Variants in RORA observed in about 807,000 individuals in gnomAD.
RORA encodes nuclear receptor ROR-alpha.
RORA carries 7 observed loss-of-function variants against 69.5 expected under a neutral mutation model. The observed-to-expected ratio is 0.10, with a 90% confidence interval of 0.06 to 0.19. RORA has a LOEUF of 0.19. Ranked by LOEUF, RORA falls within the 10% of genes least tolerant of loss-of-function variation. RORA has a pLI of 1.00. For missense variants in RORA, 457 were observed against 663.0 expected (o/e 0.69, Z 3.41); for synonymous variants, 261 against 240.8 (o/e 1.08, Z -0.78).
intron 1 of RORA, among the ~76,000 whole-genome samples, chr15:60,888,476 ACG>A (rs1461058823): frequency 1.3e-5 from 2 of 152,238 alleles, no homozygotes; most frequent in East Asian, 3.9e-4. Context: ...ACACACACAC[ACG>A]CACATATACA....
chr15:60,921,696 G>C (rs1171724587), intron 1 of RORA, among the ~76,000 whole-genome samples: 3 of 152,012 alleles, frequency 2.0e-5, no homozygotes, highest in East Asian at 3.9e-4. Flanking sequence ...GAAAAAACAG[G>C]GTTCAATTCC....
chr15:60,586,136 C>T (rs1317297995), intron 2 of RORA, among the ~76,000 whole-genome samples: 1 of 152,074 alleles, frequency 6.6e-6, no homozygotes, highest in Non-Finnish European at 1.5e-5. Context: ...CAAAAGTCCA[C>T]TTTCACAAAC....
chr15:61,212,580 A>C (rs1406192290), intron 1 of RORA, among the ~76,000 whole-genome samples: 1 of 151,950 alleles, frequency 6.6e-6, no homozygotes, highest in Non-Finnish European at 1.5e-5. Context: ...TTAGTAGAGA[A>C]AGGGTTTCAC....
chr15:60,905,893 C>T lies in RORA; in HGVS notation c.167-227207G>A, dbSNP rs1166921886. ...ACCCTCATCATCCTTTATTCTCCCC[C>T]TCTCTTCTACCAAAGAAGCCCTAAA... On this transcript the variant is annotated intron_variant, in intron 1 of 10. Coordinates refer to ENST00000335670, the MANE Select transcript of RORA (RefSeq NM_134261.3). The surrounding 1 kb of genome is among the most constrained non-coding windows in gnomAD (Gnocchi z 4.8). 1.3e-5 allele frequency among the ~76,000 whole-genome samples: 2 copies of T among 152,194 alleles called. No homozygotes were observed. The highest frequency in any genetic ancestry group is 1.3e-4 in the Admixed American group (2 of 15,282).
intron 3 of RORA, chr15:60,529,801 G>T (rs907215493): frequency 1.3e-5 from 2 of 152,036 alleles, no homozygotes; most frequent in Non-Finnish European, 2.9e-5. Flanking sequence ...AAATTGTTGG[G>T]GTATTTCATA....
intron 1 of RORA, among the ~76,000 whole-genome samples, chr15:61,130,477 G>T (rs975773119): frequency 6.6e-5 from 10 of 152,204 alleles, no homozygotes; most frequent in Non-Finnish European, 1.3e-4. Flanking sequence ...TGGACGCACT[G>T]CCTTTCGCAG....
intron 2 of RORA, among the ~76,000 whole-genome samples, chr15:60,606,052 T>C (rs2068938688): frequency 6.6e-6 from 1 of 152,142 alleles, no homozygotes; most frequent in Non-Finnish European, 1.5e-5. Flanking sequence ...CACGAAATAT[T>C]TGGGATCGTT....
chr15:60,778,744 G>C (rs2072210129), intron 1 of RORA, among the ~76,000 whole-genome samples: 1 of 152,134 alleles, frequency 6.6e-6, no homozygotes, highest in Non-Finnish European at 1.5e-5. Context: ...ATGGAAGATA[G>C]TTACTGTTTT....
At chr15:60,515,873 TATACATAC>T (rs1338442820) in intron 3 of RORA, among the ~76,000 whole-genome samples, 2 of 130,294 alleles carry the variant, frequency 1.5e-5, no homozygotes, top group Non-Finnish European at 3.1e-5. Flanking sequence ...CCTGGCTAAT[TATACATAC>T]ATACATACAT....
intron 1 of RORA, among the ~76,000 whole-genome samples, chr15:61,184,723 A>T (rs936447595): frequency 1.3e-5 from 2 of 152,034 alleles, no homozygotes; most frequent in Non-Finnish European, 2.9e-5. Flanking sequence ...GATGGCTCAA[A>T]CCTGTAATCC....
chr15:60,856,949 T>C (rs1417057031), intron 1 of RORA, among the ~76,000 whole-genome samples: 1 of 152,224 alleles, frequency 6.6e-6, no homozygotes, highest in Non-Finnish European at 1.5e-5. Flanking sequence ...AATGGGAGAA[T>C]GTCAGAAAGA....
At chr15:60,826,770 T>C (rs56087139) in intron 1 of RORA, among the ~76,000 whole-genome samples, 42,797 of 93,708 alleles carry the variant, frequency 0.46, 7,982 homozygotes, top group East Asian at 0.61. Context: ...TCTCTCCCTC[T>C]CTCTCTCTCT....
intron 3 of RORA, chr15:60,528,484 G>A (rs561618563): frequency 6.6e-6 from 1 of 152,290 alleles, no homozygotes; most frequent in African/African-American, 2.4e-5. Context: ...ACTGCTTGAG[G>A]GAAAGATGTG....
At chr15:61,046,640 T>C (rs1477877917) in intron 1 of RORA, among the ~76,000 whole-genome samples, 2 of 152,212 alleles carry the variant, frequency 1.3e-5, no homozygotes, top group Non-Finnish European at 2.9e-5. Context: ...TGTTGCTTAA[T>C]ATTTTTTAAG....
chr15:61,035,746 G>A (rs1181089426), intron 1 of RORA, among the ~76,000 whole-genome samples: 1 of 152,106 alleles, frequency 6.6e-6, no homozygotes, highest in Non-Finnish European at 1.5e-5. Context: ...TAAGGACCAG[G>A]GTCATAACTC....
At chr15:60,571,828 A>G (rs1332215373) in intron 2 of RORA, among the ~76,000 whole-genome samples, 2 of 152,230 alleles carry the variant, frequency 1.3e-5, no homozygotes, top group African/African-American at 4.8e-5. Flanking sequence ...CTGGGAAGTT[A>G]TCAAAATTCA....
At chr15:60,912,498 C>T (rs1056139053) in intron 1 of RORA, among the ~76,000 whole-genome samples, 2 of 151,822 alleles carry the variant, frequency 1.3e-5, no homozygotes, top group Non-Finnish European at 2.9e-5. Context: ...CTCACACCTG[C>T]AATCCCAGCA....
intron 1 of RORA, among the ~76,000 whole-genome samples, chr15:60,719,017 T>A (rs1267979762): frequency 7.2e-6 from 1 of 138,184 alleles, no homozygotes; most frequent in Non-Finnish European, 1.6e-5. Context: ...AGATAATCAA[T>A]CAGCTTTGTG....
chr15:60,749,908 T>C (rs2071700430), intron 1 of RORA, among the ~76,000 whole-genome samples: 3 of 152,122 alleles, frequency 2.0e-5, no homozygotes, highest in Admixed American at 2.0e-4. Flanking sequence ...TGTGCGCCTG[T>C]AGTCCCAGCT....
Sources: allele counts gnomAD v4.1 joint callset (sites outside exome capture counted in the v4.1 genomes callset), GRCh38; gene constraint gnomAD v4.1.1; non-coding constraint Gnocchi (gnomAD v3.1); transcripts MANE v1.5; gene names NCBI Gene and HGNC (gene_info 2026-07-23, HGNC 2026-07-21).